MAST2: variants seen among roughly 807,000 people sequenced by gnomAD.
The protein encoded by MAST2 is microtubule associated serine/threonine kinase 2.
In MAST2, 70 loss-of-function variants were observed where a neutral mutation model predicts 147.4. That is an observed-to-expected ratio of 0.47 (90% confidence interval 0.39 to 0.58). MAST2 has a LOEUF of 0.58. Ranked by LOEUF, MAST2 falls within the 20% of genes least tolerant of loss-of-function variation. MAST2 has a pLI of 0.00. For synonymous variants in MAST2, 869 were observed against 896.8 expected, an observed-to-expected ratio of 0.97 and a Z score of 0.55; for missense variants, 2,080 against 2,302.3, an observed-to-expected ratio of 0.90 and a Z score of 1.98.
rs1176760999 is a variant in MAST2 at position 46,025,802 on chromosome 1, C to G, written c.1906C>G (p.Leu636Val). 6.2e-7 allele frequency: 1 copy of G among 1,614,096 alleles called. No homozygotes were observed. The highest frequency in any genetic ancestry group is 2.2e-5 in the East Asian group (1 of 44,892). Residue 636 changes from leucine to valine, a missense_variant, in exon 16 of 29, where the codon CTC becomes GTC. Leu to Val is a conservative substitution (Grantham distance 32). Transcript: ENST00000361297. ...CAACTATGGCATCGTGCACCGTGAC[C>G]TCAAGCCTGACAAGTATGTCCACAG... is the stretch of plus-strand genomic sequence containing the variant. ...LHNYGIVHRDLKPDNLLITSM... is the reference protein window; with the variant it reads ...LHNYGIVHRDVKPDNLLITSM...
In MAST2 at chr1:46,023,599, A is replaced by C; in HGVS notation, c.1572-173A>C. Reference sequence around the variant, plus strand: ...TGTCATCAGGACATGGTCTATCAAGAAGTTTAAGAGTTCTATGGACCAGGG... The same window carrying C: ...TGTCATCAGGACATGGTCTATCAAGCAGTTTAAGAGTTCTATGGACCAGGG... On this transcript the variant is annotated intron_variant, in intron 14 of 28. Transcript: ENST00000361297. The surrounding 1 kb of genome is among the most constrained non-coding windows in gnomAD (Gnocchi z 4.9). The C allele has an allele frequency of 1.5e-6, 1 of 646,768 alleles. No homozygotes were observed. 40.1% of individuals were successfully genotyped at this position (646,768 alleles called of 1,614,324 possible). A position where few individuals can be genotyped will look rare whatever the true frequency, so the allele number is the denominator to read the frequency against.
chr1:45,964,675 A>C (rs1010837882), intron 5 of MAST2, among the ~76,000 whole-genome samples: 1 of 152,048 alleles, frequency 6.6e-6, no homozygotes, highest in Non-Finnish European at 1.5e-5. Flanking sequence ...CAGCTCCTGG[A>C]TTCACTGATT....
intron 3 of MAST2, among the ~76,000 whole-genome samples, chr1:45,869,970 C>A (rs1038224239): frequency 1.3e-5 from 2 of 152,114 alleles, no homozygotes; most frequent in Non-Finnish European, 1.5e-5. Context: ...GTCACCCAGG[C>A]TGGAGTGCAA....
chr1:45,829,698 A>C, intron 3 of MAST2, 117 bp downstream of exon 3: 1 of 1,067,814 alleles, frequency 9.4e-7, no homozygotes. Flanking sequence ...TCCCAAAATG[A>C]AGTATGGAAG....
chr1:45,860,906 A>C (rs566371370), intron 3 of MAST2, among the ~76,000 whole-genome samples: 1 of 152,270 alleles, frequency 6.6e-6, no homozygotes, highest in East Asian at 1.9e-4. Flanking sequence ...ATGTAGATGA[A>C]TCCATCCAAT....
At chr1:45,968,827 G>A (rs186088902) in intron 5 of MAST2, among the ~76,000 whole-genome samples, 6 of 146,474 alleles carry the variant, frequency 4.1e-5, no homozygotes, top group South Asian at 2.2e-4. Flanking sequence ...TGCTGCATAC[G>A]TATCACACCT....
At chr1:45,929,170 T>C (rs893260406) in intron 4 of MAST2, among the ~76,000 whole-genome samples, 1 of 152,222 alleles carries the variant, frequency 6.6e-6, no homozygotes, top group Admixed American at 6.5e-5. Context: ...TCTCCTTCCC[T>C]TTATTAACTA....
intron 6 of MAST2, among the ~76,000 whole-genome samples, chr1:45,999,888 A>T (rs1645203340): frequency 1.3e-5 from 2 of 152,354 alleles, no homozygotes; most frequent in African/African-American, 2.4e-5. Flanking sequence ...CCTTTAATAG[A>T]GATACCTTCA....
intron 5 of MAST2, among the ~76,000 whole-genome samples, chr1:45,986,428 C>T (rs898713441): frequency 3.3e-5 from 5 of 151,928 alleles, no homozygotes; most frequent in Admixed American, 6.6e-5. Context: ...AGAGAATATT[C>T]GTTTATGCCG....
chr1:45,903,958 T>C (rs1432363247), intron 4 of MAST2, among the ~76,000 whole-genome samples: 5 of 152,246 alleles, frequency 3.3e-5, no homozygotes, highest in Non-Finnish European at 5.9e-5. Flanking sequence ...AATAGAAAAC[T>C]AATACATCAT....
At chr1:45,941,980 A>G (rs533951381) in intron 4 of MAST2, among the ~76,000 whole-genome samples, 64 of 152,344 alleles carry the variant, frequency 4.2e-4, no homozygotes, top group Admixed American at 4.2e-3. Flanking sequence ...CATTGCTTTT[A>G]TAACATCAGT....
chr1:46,003,871 G>T (rs1436373717), intron 7 of MAST2, among the ~76,000 whole-genome samples: 2 of 152,146 alleles, frequency 1.3e-5, no homozygotes, highest in African/African-American at 4.8e-5. Context: ...TACAGAAGCA[G>T]GCCGTAGACC....
At chr1:45,972,657 C>T (rs1210855265) in intron 5 of MAST2, among the ~76,000 whole-genome samples, 1 of 152,200 alleles carries the variant, frequency 6.6e-6, no homozygotes, top group Non-Finnish European at 1.5e-5. Flanking sequence ...CCCATTGCCA[C>T]AGGAACCCTC....
At chr1:45,838,523 A>T (rs1354449672) in intron 3 of MAST2, among the ~76,000 whole-genome samples, 1 of 152,124 alleles carries the variant, frequency 6.6e-6, no homozygotes, top group African/African-American at 2.4e-5. Context: ...GCGCCCAGTC[A>T]GCTATTTTTA....
At chr1:46,024,968 A>G (rs1646342052) in intron 15 of MAST2, among the ~76,000 whole-genome samples, 1 of 152,226 alleles carries the variant, frequency 6.6e-6, no homozygotes, top group Non-Finnish European at 1.5e-5. Flanking sequence ...GGTGAAAGGC[A>G]TGTCTCACAT....
intron 5 of MAST2, among the ~76,000 whole-genome samples, chr1:45,987,704 G>A (rs994426862): frequency 2.7e-5 from 4 of 146,580 alleles, no homozygotes; most frequent in Non-Finnish European, 6.0e-5. Context: ...CCTTTCTTCT[G>A]GGTTTCATTT....
At chr1:45,848,514 A>C (rs921905675) in intron 3 of MAST2, among the ~76,000 whole-genome samples, 2 of 152,202 alleles carry the variant, frequency 1.3e-5, no homozygotes, top group Non-Finnish European at 2.9e-5. Flanking sequence ...TTGCTGGAAG[A>C]AATAAGTGTG....
rs751053769 is a variant in MAST2 at position 46,031,452 on chromosome 1, C to A, written c.3054C>A (p.Ile1018=). The A allele has an allele frequency of 6.2e-7, 1 of 1,614,158 alleles. No individual in the cohort carries two copies. The highest frequency in any genetic ancestry group is 8.5e-7 in the Non-Finnish European group (1 of 1,180,028). Residue 1018 remains isoleucine, a synonymous_variant, in exon 24 of 29, where the codon ATC becomes ATA. Coordinates refer to ENST00000361297, the MANE Select transcript of MAST2 (RefSeq NM_015112.3). The surrounding 1 kb of genome is among the most constrained non-coding windows in gnomAD (Gnocchi z 4.1). ...QLAEGATAKA[I]SDLAVRRARH... ...CTGAGGGAGCCACAGCCAAGGCCAT[C>A]AGTGACCTGGCTGTGCGTAGGGCCC...
chr1:46,024,137 T>G (rs1405820505), intron 15 of MAST2, 157 bp downstream of exon 15: 1 of 704,488 alleles, frequency 1.4e-6, no homozygotes, highest in Non-Finnish European at 2.4e-6. Flanking sequence ...ACAGAGACCA[T>G]TTGGCCACAG....
Sources: allele counts gnomAD v4.1 joint callset (sites outside exome capture counted in the v4.1 genomes callset), GRCh38; gene constraint gnomAD v4.1.1; non-coding constraint Gnocchi (gnomAD v3.1); transcripts MANE v1.5; gene names NCBI Gene and HGNC (gene_info 2026-07-23, HGNC 2026-07-21).